The following FHIT variants were observed in gnomAD, a reference collection of about 807,000 sequenced individuals.
The protein encoded by FHIT is bis(5'-adenosyl)-triphosphatase.
FHIT carries 19 observed loss-of-function variants against 17.9 expected under a neutral mutation model. The ratio of observed to expected loss-of-function variants is 1.06; its 90% CI spans 0.74 to 1.56. The LOEUF (loss-of-function observed/expected upper bound fraction) is 1.56, where lower values mean the gene tolerates loss of function less well. FHIT is among the 40% of genes most tolerant of loss of function. The pLI is 0.00. For synonymous variants in FHIT, 81 were observed against 69.7 expected (o/e 1.16, Z -0.81); for missense variants, 248 against 189.2 (o/e 1.31, Z -1.82).
At chr3:59,983,202 G>A (rs540700227) in intron 7 of FHIT, among the ~76,000 whole-genome samples, 1 of 152,012 alleles carries the variant, frequency 6.6e-6, no homozygotes, top group Admixed American at 6.6e-5. Flanking sequence ...GTCTCCCAAA[G>A]TGCTAGGATT....
At chr3:60,781,236 G>T (rs1008248107) in intron 4 of FHIT, among the ~76,000 whole-genome samples, 3 of 152,078 alleles carry the variant, frequency 2.0e-5, no homozygotes, top group South Asian at 2.1e-4. Flanking sequence ...GCATCTACAC[G>T]TGCTAGATTC....
intron 3 of FHIT, among the ~76,000 whole-genome samples, chr3:60,933,708 T>C (rs1190236309): frequency 6.6e-6 from 1 of 152,218 alleles, no homozygotes; most frequent in Non-Finnish European, 1.5e-5. Context: ...AGCAAGGCTT[T>C]TTTCTTCTGT....
At chr3:60,450,557 CATA>C (rs1296031364) in intron 5 of FHIT, among the ~76,000 whole-genome samples, 1 of 152,038 alleles carries the variant, frequency 6.6e-6, no homozygotes, top group South Asian at 2.1e-4. Context: ...GCTGGATTTT[CATA>C]ATGAGAGAAA....
At chr3:60,842,316 C>G (rs533250658) in intron 3 of FHIT, among the ~76,000 whole-genome samples, 2 of 151,432 alleles carry the variant, frequency 1.3e-5, no homozygotes, top group Admixed American at 6.6e-5. Flanking sequence ...CTAATGAGAC[C>G]ATGTCTAGAC....
At chr3:60,189,127 TTC>T (rs1330598619) in intron 5 of FHIT, among the ~76,000 whole-genome samples, 1 of 152,096 alleles carries the variant, frequency 6.6e-6, no homozygotes, top group African/African-American at 2.4e-5. Context: ...AATTACAGGC[TTC>T]TGTCTGTTAA....
At chr3:60,303,902 G>T (rs548243046) in intron 5 of FHIT, among the ~76,000 whole-genome samples, 3 of 152,270 alleles carry the variant, frequency 2.0e-5, no homozygotes, top group African/African-American at 7.2e-5. Flanking sequence ...GAGGATTACA[G>T]ATTAATAGTA....
chr3:60,645,657 A>C (rs2039838167), intron 4 of FHIT, among the ~76,000 whole-genome samples: 1 of 152,172 alleles, frequency 6.6e-6, no homozygotes, highest in African/African-American at 2.4e-5. Context: ...TCGCTGTATT[A>C]TGGGTGGCTC....
chr3:60,956,230 C>T (rs957622860), intron 3 of FHIT, among the ~76,000 whole-genome samples: 6 of 152,120 alleles, frequency 3.9e-5, no homozygotes, highest in South Asian at 2.1e-4. Context: ...TAGTTAAGAT[C>T]CATTTAGTTA....
intron 5 of FHIT, among the ~76,000 whole-genome samples, chr3:60,173,224 G>T (rs1417888106): frequency 2.6e-5 from 4 of 152,078 alleles, no homozygotes; most frequent in Non-Finnish European, 5.9e-5. Flanking sequence ...ATGCAGCAGG[G>T]ACCCACCATT....
rs755946934 is a variant in FHIT at position 60,378,526 on chromosome 3, T to C, written c.103+158334A>G. On this transcript the variant is annotated intron_variant, in intron 5 of 9. Coordinates refer to ENST00000492590, the MANE Select transcript of FHIT (RefSeq NM_002012.4). ...TAAATTAATCATTTGGAGGTTGAAATACCAATTCCTTGGTATTTCAAAGAT... is the reference window on the plus strand; with the variant it reads ...TAAATTAATCATTTGGAGGTTGAAACACCAATTCCTTGGTATTTCAAAGAT... Among the ~76,000 whole-genome samples the C allele has an allele frequency of 9.3e-4, 141 of 152,284 alleles. 1 individual carries two copies. The highest frequency in any genetic ancestry group is 1.2e-3 in the South Asian group (6 of 4,826).
chr3:59,923,902 C>T (rs536582482), intron 7 of FHIT, among the ~76,000 whole-genome samples: 1 of 152,242 alleles, frequency 6.6e-6, no homozygotes, highest in South Asian at 2.1e-4. Flanking sequence ...CAAAGCAGCC[C>T]CTGAGCACAG....
In FHIT at chr3:60,669,147, G is replaced by T. The variant is rs782736470; in HGVS notation, c.-17-132168C>A. Among the ~76,000 whole-genome samples, 51 of 152,222 alleles carry T rather than the reference G, an allele frequency of 3.4e-4. 1 individual carries two copies. Among genetic ancestry groups the T allele is most frequent in the Admixed American group, 2.4e-3 (36 of 15,294 alleles). On this transcript the variant is annotated intron_variant, in intron 4 of 9. Coordinates refer to ENST00000492590, the MANE Select transcript of FHIT (RefSeq NM_002012.4). ...TGAACAAAGCAGATTCTTCCTTAAA[G>T]GTACTTATACATGAATGAATGTTCA...
intron 2 of FHIT, among the ~76,000 whole-genome samples, chr3:61,178,081 C>A (rs779519133): frequency 6.6e-6 from 1 of 152,116 alleles, no homozygotes; most frequent in Non-Finnish European, 1.5e-5. Flanking sequence ...AGAAAGAATT[C>A]TTCTTAGGAC....
At chr3:60,713,037 C>T (rs1352056951) in intron 4 of FHIT, among the ~76,000 whole-genome samples, 2 of 152,076 alleles carry the variant, frequency 1.3e-5, no homozygotes, top group East Asian at 3.9e-4. Flanking sequence ...GTAAAGCTCT[C>T]CTCAACAAAC....
chr3:59,923,947 C>T (rs17301396), intron 7 of FHIT, among the ~76,000 whole-genome samples: 17,656 of 152,166 alleles, frequency 0.12, 1,448 homozygotes, highest in Admixed American at 0.16. Context: ...CCAGAATATT[C>T]GCCAGTCAAT....
chr3:60,651,405 T>A (rs1291967689), intron 4 of FHIT, among the ~76,000 whole-genome samples: 1 of 152,164 alleles, frequency 6.6e-6, no homozygotes, highest in Admixed American at 6.5e-5. Context: ...TTAAAATTTA[T>A]TTTAACTTGA....
At chr3:60,085,186 G>A (rs939701458) in intron 5 of FHIT, among the ~76,000 whole-genome samples, 4 of 152,128 alleles carry the variant, frequency 2.6e-5, no homozygotes, top group Non-Finnish European at 5.9e-5. Context: ...ATTAACTCAA[G>A]GGATGAAGAA....
chr3:60,188,371 A>C (rs981901701), intron 5 of FHIT, among the ~76,000 whole-genome samples: 1 of 152,092 alleles, frequency 6.6e-6, no homozygotes, highest in Non-Finnish European at 1.5e-5. Context: ...ACATGCTTCT[A>C]TCACATATTA....
chr3:60,449,047 T>A lies in FHIT; in HGVS notation c.103+87813A>T, dbSNP rs1388293381. Among the ~76,000 whole-genome samples the A allele has an allele frequency of 2.0e-5, 3 of 152,186 alleles. No homozygotes were observed. The East Asian group carries it at 5.8e-4, about 29-fold the overall frequency. ...GCTTGAATAAAGATCACTCACTTGA[T>A]ACAGAAAGGGTTGGAAAAATTCCAG... is the stretch of plus-strand genomic sequence containing the variant. On this transcript the variant is annotated intron_variant, in intron 5 of 9. Coordinates refer to ENST00000492590, the MANE Select transcript of FHIT (RefSeq NM_002012.4).
Sources: gnomAD v4.1 joint callset for allele counts (sites outside exome capture counted in the v4.1 genomes callset) on GRCh38, gnomAD v4.1.1 for gene constraint, MANE v1.5 for transcripts, NCBI Gene and HGNC (gene_info 2026-07-23, HGNC 2026-07-21) for gene names.